The following CAPZB variants were observed in gnomAD, a reference collection of about 807,000 sequenced individuals.
CAPZB encodes the protein F-actin-capping protein subunit beta.
A neutral mutation model predicts 38.1 loss-of-function variants in CAPZB; 2 were observed. That is an observed-to-expected ratio of 0.05 (90% CI 0.02 to 0.17). The LOEUF (loss-of-function observed/expected upper bound fraction) is 0.17, where lower values mean the gene tolerates loss of function less well. CAPZB is among the 10% of genes least tolerant of loss of function. The probability of loss-of-function intolerance (pLI) is 1.00; values close to 1 mark genes in which losing one functional copy is unlikely to be tolerated. For synonymous variants in CAPZB, 107 were observed against 127.4 expected, an observed-to-expected ratio of 0.84 and a Z score of 1.08; for missense variants, 161 against 334.2, an observed-to-expected ratio of 0.48 and a Z score of 4.04.
At chr1:19,363,563 G>A (rs214305) in intron 4 of CAPZB, among the ~76,000 whole-genome samples, 50,545 of 151,952 alleles carry the variant, frequency 0.33, 9,285 homozygotes, top group East Asian at 0.56. Flanking sequence ...AGAAAAAAGG[G>A]AAAACATAAT....
chr1:19,352,843 C>T (rs1315414482), intron 6 of CAPZB, among the ~76,000 whole-genome samples: 1 of 152,268 alleles, frequency 6.6e-6, no homozygotes, highest in African/African-American at 2.4e-5. Context: ...TAGGTGGAGG[C>T]AGCATCGCCT....
intron 2 of CAPZB, among the ~76,000 whole-genome samples, chr1:19,418,896 C>T (rs2094390916): frequency 6.6e-6 from 1 of 152,188 alleles, no homozygotes; most frequent in African/African-American, 2.4e-5. Context: ...TCCAAGAAGA[C>T]ACAGGACACA....
chr1:19,453,920 A>AG (rs2094524821), intron 1 of CAPZB, among the ~76,000 whole-genome samples: 1 of 152,022 alleles, frequency 6.6e-6, no homozygotes, highest in Non-Finnish European at 1.5e-5. Flanking sequence ...TTACAGATGA[A>AG]AATGAGGAAC....
intron 1 of CAPZB, among the ~76,000 whole-genome samples, chr1:19,475,214 A>G (rs916000514): frequency 6.6e-6 from 1 of 152,206 alleles, no homozygotes; most frequent in Admixed American, 6.5e-5. Context: ...AGAAATATCT[A>G]CTTTTATGCT....
chr1:19,403,365 G>A (rs1186159815), intron 2 of CAPZB, among the ~76,000 whole-genome samples: 1 of 152,248 alleles, frequency 6.6e-6, no homozygotes, highest in Non-Finnish European at 1.5e-5. Flanking sequence ...GCAGGGTGAG[G>A]GAAGTGAGGC....
At chr1:19,442,002 C>CT (rs1384751206) in intron 1 of CAPZB, among the ~76,000 whole-genome samples, 5 of 77,762 alleles carry the variant, frequency 6.4e-5, no homozygotes, top group Non-Finnish European at 1.2e-4. Context: ...GAGCAAGACT[C>CT]TGTCTCCAAA....
At chr1:19,476,317 G>A (rs1336450759) in intron 1 of CAPZB, among the ~76,000 whole-genome samples, 1 of 152,192 alleles carries the variant, frequency 6.6e-6, no homozygotes, top group Non-Finnish European at 1.5e-5. Context: ...ATGAGAGGCT[G>A]AAGGGGGAGG....
At chr1:19,364,855 CTCTT>C (rs1054989627) in intron 4 of CAPZB, among the ~76,000 whole-genome samples, 5 of 149,222 alleles carry the variant, frequency 3.4e-5, no homozygotes, top group African/African-American at 1.2e-4. Context: ...TTTTTTTTCT[CTCTT>C]TTTTTGAGAC....
At chr1:19,342,199 C>A (rs2093933017) in intron 8 of CAPZB, among the ~76,000 whole-genome samples, 4 of 152,258 alleles carry the variant, frequency 2.6e-5, no homozygotes, top group Admixed American at 2.6e-4. Flanking sequence ...TCCAGCAGAG[C>A]ATCTGGGCCA....
Position 19,357,345 on chromosome 1 carries a change from T to C in CAPZB, c.471+77A>G, listed in dbSNP as rs1558182127. The C allele has an allele frequency of 2.2e-6, 3 of 1,352,394 alleles. No homozygotes were observed. Among genetic ancestry groups the C allele is most frequent in the East Asian group, 4.6e-5 (2 of 43,570 alleles). 83.8% of individuals were successfully genotyped at this position (1,352,394 alleles called of 1,614,324 possible). A position where few individuals can be genotyped will look rare whatever the true frequency, so the allele number is the denominator to read the frequency against. On this transcript the variant is annotated intron_variant, in intron 5 of 8. Coordinates refer to ENST00000264202, the MANE Select transcript of CAPZB (RefSeq NM_004930.5). This position sits in a 1 kb window ranked among gnomAD's most constrained non-coding sequence, Gnocchi z 4.3. ...TCACAGCATCCCCCTACTGCATCTG[T>C]TAGAGAGCAGCGCGGCACTGGTTGG...
chr1:19,473,338 T>A (rs995074145), intron 1 of CAPZB, among the ~76,000 whole-genome samples: 11 of 152,168 alleles, frequency 7.2e-5, no homozygotes, highest in African/African-American at 2.7e-4. Flanking sequence ...AATGGGGGCA[T>A]GCCAAGGCTA....
chr1:19,405,212 T>C (rs894294314), intron 2 of CAPZB, among the ~76,000 whole-genome samples: 7 of 152,126 alleles, frequency 4.6e-5, no homozygotes, highest in Non-Finnish European at 1.0e-4. Flanking sequence ...TTTGGTTCAT[T>C]ATCTCATATT....
chr1:19,465,646 G>T (rs1295144286), intron 1 of CAPZB, among the ~76,000 whole-genome samples: 4 of 152,264 alleles, frequency 2.6e-5, no homozygotes, highest in Middle Eastern at 3.4e-3. Flanking sequence ...GTTGGTCAGG[G>T]ATATAGGCAC....
chr1:19,352,936 C>T (rs993544295), intron 6 of CAPZB, among the ~76,000 whole-genome samples: 15 of 151,748 alleles, frequency 9.9e-5, no homozygotes, highest in Non-Finnish European at 2.1e-4. Context: ...TACCACCAGC[C>T]GCCTACACTG....
rs905603208 is a variant in CAPZB at position 19,484,528 on chromosome 1, C to T, written c.3+908G>A. ...CCTTCTGGGCACACCGATGCCCGCC[C>T]TTCCCTCGCTGGCTCCTAGGCGGCC... On this transcript the variant is annotated intron_variant, in intron 1 of 8. Coordinates refer to ENST00000264202, the MANE Select transcript of CAPZB (RefSeq NM_004930.5). 5 of 1,330,072 alleles carry T rather than the reference C, an allele frequency of 3.8e-6. No homozygotes were observed. In the South Asian group the frequency reaches 4.5e-5, roughly 12 times the overall value. 82.4% of individuals were successfully genotyped at this position (1,330,072 alleles called of 1,614,324 possible). A position where few individuals can be genotyped will look rare whatever the true frequency, so the allele number is the denominator to read the frequency against.
rs146907588 is a variant in CAPZB, at chr1:19,347,743, C to T, written c.589-2491G>A. Among the ~76,000 whole-genome samples, 149 of 152,266 alleles carry T rather than the reference C, an allele frequency of 9.8e-4. 1 individual carries two copies. The highest frequency in any genetic ancestry group is 3.3e-3 in the African/African-American group (136 of 41,532). ...CCGGAAACCTGGGCTAGCTACAGAA[C>T]GAGAGCAGCAACTTGGAATGGAGCC... On this transcript the variant is annotated intron_variant, in intron 6 of 8. Transcript: ENST00000264202.
Position 19,464,177 on chromosome 1 carries a change from ACT to A in CAPZB, c.3+21257_3+21258del, listed in dbSNP as rs765106480. Among the ~76,000 whole-genome samples, 14 of 151,576 alleles carry A rather than the reference ACT, an allele frequency of 9.2e-5. No homozygotes were observed. The East Asian group carries it at 9.7e-4, about 11-fold the overall frequency. ...ACTCCAGCCTGGGCAACAGAGCAAGACTCTGTCGAAAAAGGGAAGAAAGAAAA... is the reference window on the plus strand; with the variant it reads ...ACTCCAGCCTGGGCAACAGAGCAAGACTGTCGAAAAAGGGAAGAAAGAAAA... On this transcript the variant is annotated intron_variant, in intron 1 of 8. Transcript: ENST00000264202.
rs368965047 is a variant in CAPZB, at chr1:19,380,535, G to A, written c.216-1882C>T. 4.5e-4 allele frequency among the ~76,000 whole-genome samples: 69 copies of A among 152,336 alleles called. 2 individuals carry two copies. Among genetic ancestry groups the A allele is most frequent in the Non-Finnish European group, 1.5e-4 (10 of 68,042 alleles). On this transcript the variant is annotated intron_variant, in intron 3 of 8. Transcript: ENST00000264202. ...TCAGTTCTCCTGAGAAGCCAAGCGC[G>A]GGCTGACCTGTCAGTTCTTGTAGCC...
intron 4 of CAPZB, among the ~76,000 whole-genome samples, chr1:19,371,132 G>A (rs2094117361): frequency 6.6e-6 from 1 of 152,214 alleles, no homozygotes; most frequent in South Asian, 2.1e-4. Flanking sequence ...CCCTGATGAT[G>A]TGGATTGAGC....
Sources: allele counts gnomAD v4.1 joint callset (sites outside exome capture counted in the v4.1 genomes callset), GRCh38; gene constraint gnomAD v4.1.1; non-coding constraint Gnocchi (gnomAD v3.1); transcripts MANE v1.5; gene names NCBI Gene and HGNC (gene_info 2026-07-23, HGNC 2026-07-21).